CEP41: variants seen among roughly 807,000 people sequenced by gnomAD.
CEP41 encodes centrosomal protein 41, also known as centrosomal protein of 41 kDa.
In CEP41, 32 loss-of-function variants were observed where a neutral mutation model predicts 44.3. The ratio of observed to expected loss-of-function variants is 0.72; its 90% CI spans 0.54 to 0.97. CEP41 has a LOEUF of 0.97. Among genes scored for constraint, CEP41 ranks in the 50% least tolerant of loss-of-function variants. The pLI, the probability that CEP41 is intolerant of heterozygous loss-of-function variation, is 0.00. For missense variants in CEP41, 432 were observed against 455.2 expected (o/e 0.95, Z 0.46); for synonymous variants, 151 against 168.5 (o/e 0.90, Z 0.80).
chr7:130,394,026 C>T lies in CEP41; in HGVS notation c.*4865G>A. 2.2e-6 allele frequency: 1 copy of T among 454,014 alleles called. No individual in the cohort carries two copies. The highest frequency in any genetic ancestry group is 1.6e-5 in the South Asian group (1 of 64,460). The allele number at this position is 454,014 out of a possible 1,614,324, so 28.1% of individuals were successfully genotyped here. ...TGTTTCAGTTCCTGAATTTCCATCGCCTTTTGTGCAGGCAAGCGGAGGAAA... is the reference window on the plus strand; with the variant it reads ...TGTTTCAGTTCCTGAATTTCCATCGTCTTTTGTGCAGGCAAGCGGAGGAAA... On this transcript the variant is annotated 3_prime_UTR_variant, in exon 11 of 11. Coordinates refer to ENST00000223208, the MANE Select transcript of CEP41 (RefSeq NM_018718.3).
At chr7:130,422,055 C>G in intron 2 of CEP41, 1 of 1,533,630 alleles carries the variant, frequency 6.5e-7, no homozygotes, top group Middle Eastern at 1.7e-4. Context: ...TCTGAGATTT[C>G]TAGCCATGGC....
chr7:130,398,830 G>T lies in CEP41; in HGVS notation c.*61C>A. The T allele has an allele frequency of 6.3e-7, 1 of 1,595,112 alleles. No individual in the cohort carries two copies. On this transcript the variant is annotated 3_prime_UTR_variant, in exon 11 of 11. Coordinates refer to ENST00000223208, the MANE Select transcript of CEP41 (RefSeq NM_018718.3). The stretch of plus-strand genomic sequence containing the variant: ...AGTTTCTGGAAATGACCCAACTTGG[G>T]AAATGCTCAGGGGTTCTGAAAAGAG...
intron 2 of CEP41, chr7:130,419,443 T>TA: frequency 1.0e-6 from 1 of 985,190 alleles, no homozygotes; most frequent in Non-Finnish European, 1.2e-6. Context: ...TTACTGTATC[T>TA]AATTGCATCT....
At chr7:130,415,843 T>G (rs1353370332) in intron 3 of CEP41, among the ~76,000 whole-genome samples, 2 of 152,160 alleles carry the variant, frequency 1.3e-5, no homozygotes, top group African/African-American at 2.4e-5. Context: ...ATATATTTTA[T>G]ATAGATATTT....
At chr7:130,437,657 C>T (rs1798007379) in intron 1 of CEP41, among the ~76,000 whole-genome samples, 1 of 150,040 alleles carries the variant, frequency 6.7e-6, no homozygotes, top group Non-Finnish European at 1.5e-5. Flanking sequence ...CCTGTGGTCC[C>T]AGCTACTCAG....
chr7:130,421,131 C>T (rs1584893427), intron 2 of CEP41: 1 of 985,200 alleles, frequency 1.0e-6, no homozygotes, highest in Non-Finnish European at 1.2e-6. Flanking sequence ...ACTATAGCAA[C>T]AGTGCTGTGC....
chr7:130,441,059 C>G, upstream of CEP41: 1 of 1,399,386 alleles, frequency 7.1e-7, no homozygotes, highest in South Asian at 1.2e-5. Context: ...AGCCGCCTCC[C>G]TATACCCTCT....
At position 130,398,551 on chromosome 7, in the gene CEP41, C is replaced by T. The variant is rs1485266834; in HGVS notation, c.*340G>A. ...TATTTACAAAACAACACAGAGAGAC[C>T]CAACAAGCTGGACCTTATTAAAAAA... is the stretch of plus-strand genomic sequence containing the variant. On this transcript the variant is annotated 3_prime_UTR_variant, in exon 11 of 11. Coordinates refer to ENST00000223208, the MANE Select transcript of CEP41 (RefSeq NM_018718.3). 2.1e-6 allele frequency: 1 copy of T among 472,518 alleles called. No individual in the cohort carries two copies. Among genetic ancestry groups the T allele is most frequent in the African/African-American group, 2.0e-5 (1 of 50,680 alleles). The allele number at this position is 472,518 out of a possible 1,614,324, so 29.3% of individuals were successfully genotyped here. A position where few individuals can be genotyped will look rare whatever the true frequency, so the allele number is the denominator to read the frequency against.
At chr7:130,433,463 A>G (rs1797880314) in intron 1 of CEP41, among the ~76,000 whole-genome samples, 1 of 152,148 alleles carries the variant, frequency 6.6e-6, no homozygotes, top group South Asian at 2.1e-4. Flanking sequence ...TTTTGGATCT[A>G]TTTAAGATAA....
At chr7:130,432,021 A>G (rs926478632) in intron 1 of CEP41, among the ~76,000 whole-genome samples, 1 of 152,114 alleles carries the variant, frequency 6.6e-6, no homozygotes, top group South Asian at 2.1e-4. Context: ...AATACCCTAC[A>G]ATTACAGGAC....
rs1420321987 is a variant in CEP41 at position 130,397,644 on chromosome 7, C to T, written c.*1247G>A. ...AAGCTGGTTGCCATGACAAAGAGCA[C>T]AATTTATTCCTCAGTCCCTTATCAC... On this transcript the variant is annotated 3_prime_UTR_variant, in exon 11 of 11. Transcript: ENST00000223208. 4 of 452,562 alleles carry T rather than the reference C, an allele frequency of 8.8e-6. No homozygotes were observed. The East Asian group carries it at 2.1e-4, about 24-fold the overall frequency. 28.0% of individuals were successfully genotyped at this position (452,562 alleles called of 1,614,324 possible).
At position 130,395,109 on chromosome 7, in the gene CEP41, C is replaced by T; in HGVS notation, c.*3782G>A. 4.4e-6 allele frequency: 2 copies of T among 454,096 alleles called. No homozygotes were observed. The highest frequency in any genetic ancestry group is 4.4e-6 in the Non-Finnish European group (1 of 226,788). The allele number at this position is 454,096 out of a possible 1,614,324, so 28.1% of individuals were successfully genotyped here. A position where few individuals can be genotyped will look rare whatever the true frequency, so the allele number is the denominator to read the frequency against. ...CAAGGCTGACAAATTTCCACCATTA[C>T]ATTTTTTATGTTGTAACTGACCTGT... On this transcript the variant is annotated 3_prime_UTR_variant, in exon 11 of 11. Transcript: ENST00000223208.
At chr7:130,435,442 G>T (rs76543127) in intron 1 of CEP41, among the ~76,000 whole-genome samples, 1,860 of 152,166 alleles carry the variant, frequency 0.012, 47 homozygotes, top group African/African-American at 0.042. Flanking sequence ...GACACAAAGA[G>T]ATATTTTACT....
At chr7:130,404,425 A>G in intron 6 of CEP41, 139 bp downstream of exon 6, 1 of 701,712 alleles carries the variant, frequency 1.4e-6, no homozygotes, top group Non-Finnish European at 2.5e-6. Flanking sequence ...AAGATAAAGT[A>G]GAAGGCTGGG....
chr7:130,412,223 C>T lies in CEP41; in HGVS notation c.163G>A (p.Asp55Asn), dbSNP rs781848679. ...ACTTTTAGTCTCTTGAAAAGCTCAT[C>T]TTTTTTGTATCTATAATCTGAAAAA... is the stretch of plus-strand genomic sequence containing the variant. ...EIKKNYRYKKDELFKRLKVTT... is the reference protein window; with the variant it reads ...EIKKNYRYKKNELFKRLKVTT... The change falls in exon 4 of 11, where the codon GAT (aspartate) becomes AAT (asparagine). Residue 55 changes from aspartate to asparagine, a missense_variant. Coordinates refer to ENST00000223208, the MANE Select transcript of CEP41 (RefSeq NM_018718.3). 1.3e-6 allele frequency: 2 copies of T among 1,545,070 alleles called. No individual in the cohort carries two copies. The highest frequency in any genetic ancestry group is 1.8e-6 in the Non-Finnish European group (2 of 1,117,420).
intron 2 of CEP41, 145 bp from the exon 3 acceptor site, chr7:130,417,111 C>G (rs1450391072): frequency 7.0e-6 from 10 of 1,420,414 alleles, no homozygotes; most frequent in Non-Finnish European, 9.4e-6. Flanking sequence ...AGGCCACACA[C>G]AGTAAAATCT....
chr7:130,441,185 C>G, upstream of CEP41: 1 of 690,044 alleles, frequency 1.4e-6, no homozygotes, highest in Non-Finnish European at 2.6e-6. Flanking sequence ...ACGCGGGACG[C>G]CGGCTAGCGA....
intron 3 of CEP41, among the ~76,000 whole-genome samples, chr7:130,415,421 A>G (rs1554420647): frequency 6.6e-6 from 1 of 152,248 alleles, no homozygotes; most frequent in African/African-American, 2.4e-5. Context: ...TCAGGGAATC[A>G]GCACAAAGTG....
rs782385841 is a variant in CEP41, at chr7:130,400,145, G to A, written c.867C>T (p.Pro289=). 1.9e-6 allele frequency: 3 copies of A among 1,613,764 alleles called. No homozygotes were observed. Among genetic ancestry groups the A allele is most frequent in the Middle Eastern group, 1.7e-4 (1 of 5,958 alleles). The change falls in exon 10 of 11, where the codon CCC becomes CCT. Residue 289 remains proline (P), a synonymous_variant. Transcript: ENST00000223208. ...PPGSARKRSS[P]KGPPLPAENK... Reference sequence around the variant, plus strand: ...TCTCAGCTGGTAGGGGTGGCCCTTTGGGGCTGGATCGTTTCCGGGCAGACC... The same window carrying A: ...TCTCAGCTGGTAGGGGTGGCCCTTTAGGGCTGGATCGTTTCCGGGCAGACC...
Sources: allele counts gnomAD v4.1 joint callset (sites outside exome capture counted in the v4.1 genomes callset), GRCh38; gene constraint gnomAD v4.1.1; transcripts MANE v1.5; gene names NCBI Gene and HGNC (gene_info 2026-07-23, HGNC 2026-07-21).